Variants in STAU2 observed in about 807,000 individuals in gnomAD.
STAU2 encodes the protein double-stranded RNA-binding protein Staufen homolog 2.
In STAU2, 20 loss-of-function variants were observed where a neutral mutation model predicts 65.9. That is an observed-to-expected ratio of 0.30 (90% confidence interval 0.21 to 0.44). STAU2 has a LOEUF of 0.44. Among genes scored for constraint, STAU2 ranks in the 20% least tolerant of loss-of-function variants. The pLI is 1.00. For synonymous variants in STAU2, 232 were observed against 233.9 expected (o/e 0.99, Z 0.07); for missense variants, 558 against 683.9 (o/e 0.82, Z 2.05).
At chr8:73,591,172 T>C (rs1810744926) in intron 11 of STAU2, among the ~76,000 whole-genome samples, 3 of 152,108 alleles carry the variant, frequency 2.0e-5, no homozygotes, top group Non-Finnish European at 2.9e-5. Context: ...TAACTGACTA[T>C]ATAAAGCAAA....
intron 12 of STAU2, among the ~76,000 whole-genome samples, chr8:73,574,919 TAAATA>T (rs1174965041): frequency 7.3e-5 from 11 of 151,178 alleles, no homozygotes; most frequent in East Asian, 3.9e-4. Flanking sequence ...AATAAATAAA[TAAATA>T]AAATAAAATA....
intron 6 of STAU2, among the ~76,000 whole-genome samples, chr8:73,649,264 G>C (rs559227698): frequency 6.6e-6 from 1 of 152,116 alleles, no homozygotes; most frequent in Admixed American, 6.5e-5. Context: ...ATATTTTTTT[G>C]ATATCCAATA....
At chr8:73,465,715 T>C (rs1334109878) in intron 13 of STAU2, among the ~76,000 whole-genome samples, 1 of 152,280 alleles carries the variant, frequency 6.6e-6, no homozygotes, top group Non-Finnish European at 1.5e-5. Flanking sequence ...GGCGTGTGCA[T>C]ATGCATTGCT....
intron 6 of STAU2, among the ~76,000 whole-genome samples, chr8:73,630,319 C>A (rs1417943586): frequency 1.3e-5 from 2 of 152,212 alleles, no homozygotes; most frequent in African/African-American, 4.8e-5. Flanking sequence ...ACTATCCAAT[C>A]CTCTTTATCT....
chr8:73,723,732 G>A (rs1586354490), intron 3 of STAU2, among the ~76,000 whole-genome samples: 1 of 152,124 alleles, frequency 6.6e-6, no homozygotes, highest in East Asian at 1.9e-4. Flanking sequence ...TGTCTCTTCT[G>A]TATCTCTAAC....
intron 1 of STAU2, among the ~76,000 whole-genome samples, chr8:73,741,897 G>C (rs1028893754): frequency 6.6e-6 from 1 of 152,152 alleles, no homozygotes; most frequent in East Asian, 1.9e-4. Flanking sequence ...TTAACCATAC[G>C]ATTTAAATAT....
At chr8:73,711,975 TCTTA>T (rs1178780286) in intron 3 of STAU2, among the ~76,000 whole-genome samples, 1 of 152,188 alleles carries the variant, frequency 6.6e-6, no homozygotes, top group Non-Finnish European at 1.5e-5. Flanking sequence ...TTAATAGGAT[TCTTA>T]CTTGACAGAG....
At chr8:73,513,935 T>C (rs1341347407) in intron 13 of STAU2, among the ~76,000 whole-genome samples, 1 of 152,164 alleles carries the variant, frequency 6.6e-6, no homozygotes, top group East Asian at 1.9e-4. Context: ...CACCACAAAA[T>C]CCTAATTAGC....
chr8:73,693,467 TC>T lies in STAU2; in HGVS notation c.115-4655del, dbSNP rs1586287603. 2.2e-5 allele frequency among the ~76,000 whole-genome samples: 3 copies of T among 135,668 alleles called. No individual in the cohort carries two copies. In the East Asian group the frequency reaches 6.4e-4, roughly 29 times the overall value. 89.0% of individuals were successfully genotyped at this position (135,668 alleles called of 152,430 possible). ...TCCAGCCTGGGCGAAAGAGTGAGACTCCGTCTCAAAAAAAAAAAAAAAAAAG... is the reference window on the plus strand; with the variant it reads ...TCCAGCCTGGGCGAAAGAGTGAGACTCGTCTCAAAAAAAAAAAAAAAAAAG... On this transcript the variant is annotated intron_variant, in intron 4 of 14. Transcript: ENST00000524300.
At chr8:73,615,565 T>A (rs371592145) in intron 8 of STAU2, 110 bp downstream of exon 8, 283 of 755,842 alleles carry the variant, frequency 3.7e-4, no homozygotes, top group Non-Finnish European at 5.7e-4. Flanking sequence ...TTTGAACATA[T>A]AGAAGCACAC....
At chr8:73,744,223 G>A (rs1807115121) in intron 1 of STAU2, among the ~76,000 whole-genome samples, 1 of 151,920 alleles carries the variant, frequency 6.6e-6, no homozygotes, top group African/African-American at 2.4e-5. Flanking sequence ...AAAATCAAAC[G>A]ATGCACACAT....
intron 5 of STAU2, among the ~76,000 whole-genome samples, chr8:73,683,802 C>A (rs536418112): frequency 1.3e-5 from 2 of 152,246 alleles, no homozygotes; most frequent in African/African-American, 4.8e-5. Flanking sequence ...AGTAGCTCTG[C>A]TATACACCAA....
intron 6 of STAU2, among the ~76,000 whole-genome samples, chr8:73,654,406 C>T (rs982933704): frequency 6.6e-6 from 1 of 151,902 alleles, no homozygotes; most frequent in African/African-American, 2.4e-5. Flanking sequence ...AATCCCAACA[C>T]TTTGGGAGGC....
chr8:73,660,794 G>A (rs1816773659), intron 6 of STAU2, among the ~76,000 whole-genome samples: 1 of 152,022 alleles, frequency 6.6e-6, no homozygotes, highest in African/African-American at 2.4e-5. Flanking sequence ...ATTATTCCAG[G>A]GTCAAGTAAA....
In STAU2 at chr8:73,422,626, C is replaced by T. The variant is rs527332052; in HGVS notation, c.1607G>A (p.Gly536Asp). Residue 536 changes from glycine to aspartate, a missense_variant, in exon 14 of 15, where the codon GGT becomes GAT. Physicochemically the swap from Gly to Asp is moderately conservative, Grantham distance 94 (BLOSUM62 -1). Coordinates refer to ENST00000524300, the MANE Select transcript of STAU2 (RefSeq NM_001164380.2). ...PIDGAMNIEK[G>D]SLEKQAKHLR... ...GGGATTTACTCACTTTTCAAGAGAA[C>T]CTTTTTCGATATTCATTGCTCCATC... is the stretch of plus-strand genomic sequence containing the variant. The T allele has an allele frequency of 2.0e-6, 3 of 1,515,376 alleles. No individual in the cohort carries two copies. The highest frequency in any genetic ancestry group is 1.8e-6 in the Non-Finnish European group (2 of 1,139,682). 93.9% of individuals were successfully genotyped at this position (1,515,376 alleles called of 1,614,324 possible).
At chr8:73,506,439 A>T (rs1005348687) in intron 13 of STAU2, among the ~76,000 whole-genome samples, 1 of 152,176 alleles carries the variant, frequency 6.6e-6, no homozygotes, top group African/African-American at 2.4e-5. Flanking sequence ...TTCCCAGTCC[A>T]TATTAAAGTT....
chr8:73,473,355 A>C, intron 13 of STAU2, among the ~76,000 whole-genome samples: 1 of 152,336 alleles, frequency 6.6e-6, no homozygotes, highest in East Asian at 1.9e-4. Context: ...TTTCTGTCAA[A>C]AAAATGTATA....
intron 12 of STAU2, among the ~76,000 whole-genome samples, chr8:73,554,257 AAAAGCTG>A (rs1347052412): frequency 1.3e-5 from 2 of 152,360 alleles, no homozygotes; most frequent in East Asian, 3.9e-4. Context: ...CTCTCCAGGA[AAAAGCTG>A]AAAGCTGAAG....
intron 9 of STAU2, among the ~76,000 whole-genome samples, chr8:73,613,021 T>G (rs1812585565): frequency 6.6e-6 from 1 of 152,202 alleles, no homozygotes; most frequent in African/African-American, 2.4e-5. Context: ...TCTGACCCAA[T>G]AAAAGAGTCA....
Sources: gnomAD v4.1 joint callset for allele counts (sites outside exome capture counted in the v4.1 genomes callset) on GRCh38, gnomAD v4.1.1 for gene constraint, MANE v1.5 for transcripts, NCBI Gene and HGNC (gene_info 2026-07-23, HGNC 2026-07-21) for gene names.